The following TIMM23B variants were observed in gnomAD, a reference collection of about 807,000 sequenced individuals.
The protein encoded by TIMM23B is mitochondrial import inner membrane translocase subunit Tim23B.
Under a neutral mutation model 27.3 loss-of-function variants are expected in TIMM23B, and 27 were observed. That is an observed-to-expected ratio of 0.99 (90% confidence interval 0.73 to 1.36). The LOEUF is 1.36. TIMM23B is among the 40% of genes most tolerant of loss of function. The probability of loss-of-function intolerance (pLI) is 0.00; values close to 1 mark genes in which losing one functional copy is unlikely to be tolerated. For missense variants in TIMM23B, 205 were observed against 244.2 expected, an observed-to-expected ratio of 0.84 and a Z score of 1.07; for synonymous variants, 73 against 92.4, an observed-to-expected ratio of 0.79 and a Z score of 1.21.
chr10:49,956,011 A>G (rs1839707190), intron 5 of TIMM23B, among the ~76,000 whole-genome samples: 1 of 152,150 alleles, frequency 6.6e-6, no homozygotes, highest in South Asian at 2.1e-4. Flanking sequence ...AAAGTCCAAG[A>G]AACTATGTTC....
At chr10:49,956,223 G>A (rs1286047129) in intron 5 of TIMM23B, among the ~76,000 whole-genome samples, 3 of 151,986 alleles carry the variant, frequency 2.0e-5, no homozygotes, top group South Asian at 4.2e-4. Context: ...GGCTGAGCGC[G>A]GTGTATTGTT....
rs1438909188 is a variant in TIMM23B, at chr10:49,952,195, A to T, written c.235A>T (p.Thr79Ser). 1.1e-5 allele frequency: 17 copies of T among 1,605,798 alleles called. No individual in the cohort carries two copies. In the Admixed American group the frequency reaches 2.7e-4, roughly 25 times the overall value. ...TWGRFELAFF[T>S]IGGCCMTGAA... The stretch of plus-strand genomic sequence containing the variant: ...GGGCAGATTTGAGCTGGCCTTCTTT[A>T]CGATTGGAGGGTGTTGCATGACAGG... Residue 79 changes from threonine (T) to serine (S), a missense_variant, in exon 3 of 7, where the codon ACG (threonine) becomes TCG (serine). Coordinates refer to ENST00000651259, the MANE Select transcript of TIMM23B (RefSeq NM_001290117.2).
At chr10:49,945,534 C>A (rs1839328277) in intron 2 of TIMM23B, among the ~76,000 whole-genome samples, 1 of 152,170 alleles carries the variant, frequency 6.6e-6, no homozygotes, top group Non-Finnish European at 1.5e-5. Context: ...GCGCCCATCA[C>A]CACGCCTGGC....
Position 49,963,171 on chromosome 10 carries a change from C to T in TIMM23B, c.514+4691C>T, listed in dbSNP as rs543075457. ...TCGCGCCACTGAATTCCAGCCTGGG[C>T]GATAGAGCGAGTCTGTCTCAGAATG... On this transcript the variant is annotated intron_variant, in intron 6 of 6. Transcript: ENST00000651259. Among the ~76,000 whole-genome samples, 530 of 152,028 alleles carry T rather than the reference C, an allele frequency of 3.5e-3. 2 individuals are homozygous for T. The highest frequency in any genetic ancestry group is 0.012 in the African/African-American group (515 of 41,434).
chr10:49,961,357 T>C (rs1258666016), intron 6 of TIMM23B, among the ~76,000 whole-genome samples: 2 of 127,564 alleles, frequency 1.6e-5, no homozygotes, highest in Non-Finnish European at 3.2e-5. Context: ...CACTCTAGCC[T>C]GGGCAATAAG....
rs1208102226 is a variant in TIMM23B, at chr10:49,961,374, ACT to A, written c.514+2897_514+2898del. ...CTCTAGCCTGGGCAATAAGAGTGAA[ACT>A]CTGTCTCAAAAAAAAAAAAAAAAAG... On this transcript the variant is annotated intron_variant, in intron 6 of 6. Transcript: ENST00000651259. Among the ~76,000 whole-genome samples, 10 of 143,152 alleles carry A rather than the reference ACT, an allele frequency of 7.0e-5. No homozygotes were observed. The South Asian group carries it at 1.4e-3, about 19-fold the overall frequency. 93.9% of individuals were successfully genotyped at this position (143,152 alleles called of 152,430 possible).
intron 5 of TIMM23B, among the ~76,000 whole-genome samples, chr10:49,956,620 G>C (rs1839735558): frequency 6.8e-6 from 1 of 146,502 alleles, no homozygotes; most frequent in African/African-American, 2.4e-5. Flanking sequence ...TGCATAGCCA[G>C]TCAGTCGTGT....
intron 1 of TIMM23B, 45 bp from the exon 2 acceptor site, chr10:49,944,987 A>G: frequency 6.4e-7 from 1 of 1,570,458 alleles, no homozygotes; most frequent in South Asian, 1.1e-5. Context: ...AACTGGATTA[A>G]CTTAAAGAAT....
At chr10:49,968,320 A>G (rs1420841378) in intron 6 of TIMM23B, among the ~76,000 whole-genome samples, 16 of 152,274 alleles carry the variant, frequency 1.1e-4, no homozygotes, top group Non-Finnish European at 1.6e-4. Context: ...TCTTACTCTC[A>G]GATAGCTCAG....
chr10:49,956,447 GTGTGTGTGTGTGTGTGTGTGTGTA>G (rs1481963850), intron 5 of TIMM23B, among the ~76,000 whole-genome samples: 8 of 132,580 alleles, frequency 6.0e-5, no homozygotes, highest in South Asian at 2.4e-4. Context: ...GTGTGTGTGT[GTGTGTGTGTGTGTGTGTGTGTGTA>G]TGTGTGTCTT....
chr10:49,953,561 T>C (rs1839611998), intron 4 of TIMM23B, among the ~76,000 whole-genome samples: 2 of 152,076 alleles, frequency 1.3e-5, no homozygotes, highest in Non-Finnish European at 2.9e-5. Context: ...GCTCAGGCTG[T>C]TCTCAAACTC....
chr10:49,970,760 C>T (rs1202933301), intron 6 of TIMM23B, among the ~76,000 whole-genome samples: 7 of 152,026 alleles, frequency 4.6e-5, no homozygotes, highest in Admixed American at 2.0e-4. Context: ...TGGGGGGCGC[C>T]TCTGCCCGGC....
intron 6 of TIMM23B, among the ~76,000 whole-genome samples, chr10:49,962,814 A>C (rs1329626665): frequency 1.3e-5 from 2 of 151,964 alleles, no homozygotes; most frequent in African/African-American, 2.4e-5. Context: ...AATTATCTGC[A>C]TGCTTAAAAC....
chr10:49,968,984 A>G (rs1554855987), intron 6 of TIMM23B, among the ~76,000 whole-genome samples: 1 of 152,272 alleles, frequency 6.6e-6, no homozygotes, highest in East Asian at 1.9e-4. Flanking sequence ...AAATGAAACA[A>G]GTTCCATTAC....
intron 2 of TIMM23B, among the ~76,000 whole-genome samples, chr10:49,948,851 G>A (rs1433222352): frequency 1.9e-3 from 295 of 152,168 alleles, no homozygotes; most frequent in African/African-American, 6.4e-3. Flanking sequence ...TAAATTGTAT[G>A]GTACATGAGA....
intron 6 of TIMM23B, among the ~76,000 whole-genome samples, chr10:49,959,946 A>G (rs1243609529): frequency 6.6e-6 from 1 of 151,260 alleles, no homozygotes; most frequent in Non-Finnish European, 1.5e-5. Flanking sequence ...ACGGGGTTTC[A>G]CCATATTGGT....
At chr10:49,944,715 TAAAGTG>T (rs1839301555) in intron 1 of TIMM23B, among the ~76,000 whole-genome samples, 1 of 152,274 alleles carries the variant, frequency 6.6e-6, no homozygotes, top group African/African-American at 2.4e-5. Context: ...ATTCTTGTAG[TAAAGTG>T]AAAGAAATTA....
At chr10:49,948,682 A>G (rs1589029877) in intron 2 of TIMM23B, among the ~76,000 whole-genome samples, 1 of 152,376 alleles carries the variant, frequency 6.6e-6, no homozygotes, top group East Asian at 1.9e-4. Flanking sequence ...ACAAGAAAGT[A>G]GATTAGTAGC....
chr10:49,950,200 C>CTT lies in TIMM23B; in HGVS notation c.166-1908_166-1907dup, dbSNP rs1169522720. ...AAATTATAAATTAAAAAAGTTTTTT[C>CTT]TTTTTTTTTTTTTTTTTTTCCCCCA... is the stretch of plus-strand genomic sequence containing the variant. On this transcript the variant is annotated intron_variant, in intron 2 of 6. Transcript: ENST00000651259. 3.5e-4 allele frequency among the ~76,000 whole-genome samples: 41 copies of CTT among 117,982 alleles called. 1 individual carries two copies. Among genetic ancestry groups the CTT allele is most frequent in the African/African-American group, 1.0e-3 (33 of 32,376 alleles). The allele number at this position is 117,982 out of a possible 152,430, so 77.4% of individuals were successfully genotyped here.
Sources: allele counts gnomAD v4.1 joint callset (sites outside exome capture counted in the v4.1 genomes callset), GRCh38; gene constraint gnomAD v4.1.1; transcripts MANE v1.5; gene names NCBI Gene and HGNC (gene_info 2026-07-23, HGNC 2026-07-21).